Variants in GLIS3 observed in about 807,000 individuals in gnomAD.
The protein encoded by GLIS3 is GLIS family zinc finger 3.
In GLIS3, 53 loss-of-function variants were observed where a neutral mutation model predicts 78.6. That is an observed-to-expected ratio of 0.67 (90% confidence interval 0.54 to 0.85). GLIS3 has a LOEUF of 0.85. GLIS3 is among the 40% of genes least tolerant of loss of function. GLIS3 has a pLI of 0.00. For missense variants in GLIS3, 1,703 were observed against 1,231.1 expected, an observed-to-expected ratio of 1.38 and a Z score of -5.74; for synonymous variants, 684 against 509.9, an observed-to-expected ratio of 1.34 and a Z score of -4.60.
intron 4 of GLIS3, among the ~76,000 whole-genome samples, chr9:4,077,086 A>C (rs1407770470): frequency 7.0e-6 from 1 of 143,338 alleles, no homozygotes; most frequent in African/African-American, 2.9e-5. Flanking sequence ...ATGATGTCCA[A>C]TTTTCTTCTT....
chr9:4,057,392 T>C (rs1289330028), intron 4 of GLIS3, among the ~76,000 whole-genome samples: 2 of 152,188 alleles, frequency 1.3e-5, no homozygotes, highest in African/African-American at 4.8e-5. Flanking sequence ...CCATCCCTAA[T>C]AAAGATATCA....
At chr9:4,484,375 C>T in the GLIS3 span, among the ~76,000 whole-genome samples, 9 of 143,778 alleles carry the variant, frequency 6.3e-5, no homozygotes, top group East Asian at 1.9e-3. Flanking sequence ...GTAGCTGGGA[C>T]CACAGGTGTG....
At position 3,962,796 on chromosome 9, in the gene GLIS3, C is replaced by T. The variant is rs1308675619; in HGVS notation, c.1711-25607G>A. Among the ~76,000 whole-genome samples the T allele has an allele frequency of 2.6e-5, 4 of 152,016 alleles. No homozygotes were observed. The East Asian group carries it at 5.8e-4, about 22-fold the overall frequency. ...GGTCTTCACTCTAGCAAAAGGGATC[C>T]CCCACCCCGAAACCCTGCACTTTCA... On this transcript the variant is annotated intron_variant, in intron 4 of 10. Transcript: ENST00000381971.
rs1158679707 is a variant in GLIS3, at chr9:4,299,944, G to A, written c.-622C>T. ...AGGGGCAGTGGCCGCGGCACTCGCCGCCGGTGCCCGTGCGCGCCGCGCTCT... is the reference window on the plus strand; with the variant it reads ...AGGGGCAGTGGCCGCGGCACTCGCCACCGGTGCCCGTGCGCGCCGCGCTCT... On this transcript the variant is annotated 5_prime_UTR_variant, in exon 1 of 11. Transcript: ENST00000381971. 6.6e-6 allele frequency: 1 copy of A among 152,034 alleles called. No homozygotes were observed. The highest frequency in any genetic ancestry group is 1.9e-4 in the East Asian group (1 of 5,132). 9.4% of individuals were successfully genotyped at this position (152,034 alleles called of 1,614,324 possible). A position where few individuals can be genotyped will look rare whatever the true frequency, so the allele number is the denominator to read the frequency against.
chr9:3,942,239 C>A (rs914249192), intron 4 of GLIS3, among the ~76,000 whole-genome samples: 6 of 152,134 alleles, frequency 3.9e-5, no homozygotes, highest in African/African-American at 1.4e-4. Context: ...TTAAAATATA[C>A]ATTTGATTTG....
chr9:3,967,118 C>G (rs1184934875), intron 4 of GLIS3, among the ~76,000 whole-genome samples: 1 of 149,728 alleles, frequency 6.7e-6, no homozygotes, highest in Non-Finnish European at 1.5e-5. Flanking sequence ...GTAAAGAAGT[C>G]CAGTAAGGAT....
chr9:4,131,724 C>T (rs1465449498), intron 2 of GLIS3, among the ~76,000 whole-genome samples: 1 of 151,982 alleles, frequency 6.6e-6, no homozygotes, highest in Non-Finnish European at 1.5e-5. Flanking sequence ...TGTAAATTAC[C>T]CAGTCTCAAG....
chr9:4,258,820 C>T (rs1825230375), intron 2 of GLIS3, among the ~76,000 whole-genome samples: 1 of 152,188 alleles, frequency 6.6e-6, no homozygotes, highest in Non-Finnish European at 1.5e-5. Context: ...TGCACTACCC[C>T]AGCAGGACAT....
the GLIS3 span, among the ~76,000 whole-genome samples, chr9:4,356,155 C>T: frequency 3.9e-5 from 6 of 152,306 alleles, no homozygotes; most frequent in African/African-American, 1.4e-4. Flanking sequence ...TATAATTAGA[C>T]AAAGTTCCTT....
At chr9:4,077,554 G>A (rs939551725) in intron 4 of GLIS3, among the ~76,000 whole-genome samples, 2 of 152,242 alleles carry the variant, frequency 1.3e-5, no homozygotes, top group African/African-American at 4.8e-5. Flanking sequence ...CAACAGAACA[G>A]GAAACCCTGG....
chr9:4,057,041 A>ATCTCCCAC (rs1826211084), intron 4 of GLIS3, among the ~76,000 whole-genome samples: 1 of 151,718 alleles, frequency 6.6e-6, no homozygotes. Flanking sequence ...CTGGCCATGC[A>ATCTCCCAC]TCTCCCACCA....
In GLIS3 at chr9:3,825,527, A is replaced by G. The variant is rs1328741394; in HGVS notation, c.*2745T>C. 1 of 152,078 alleles carries G rather than the reference A, an allele frequency of 6.6e-6. No homozygotes were observed. Among genetic ancestry groups the G allele is most frequent in the South Asian group, 2.1e-4 (1 of 4,824 alleles). The allele number at this position is 152,078 out of a possible 1,614,324, so 9.4% of individuals were successfully genotyped here. ...GTTTCTGTTTTTAAGGGGAATGACA[A>G]TCTCTGTTTGGACATTTATGAAAAT... On this transcript the variant is annotated 3_prime_UTR_variant, in exon 11 of 11. Coordinates refer to ENST00000381971, the MANE Select transcript of GLIS3 (RefSeq NM_001042413.2).
the GLIS3 span, among the ~76,000 whole-genome samples, chr9:4,432,974 G>A: frequency 1.9e-4 from 29 of 152,162 alleles, no homozygotes; most frequent in African/African-American, 6.3e-4. Context: ...CTAACACAGG[G>A]TAAGCAATGG....
At chr9:4,300,421 C>T (rs979837058), upstream of GLIS3, among the ~76,000 whole-genome samples, 1 of 152,012 alleles carries the variant, frequency 6.6e-6, no homozygotes, top group African/African-American at 2.4e-5. Flanking sequence ...CAAAAAAATC[C>T]GGTAGTAATA....
At chr9:4,133,820 C>A (rs981417007) in intron 2 of GLIS3, among the ~76,000 whole-genome samples, 1 of 132,552 alleles carries the variant, frequency 7.5e-6, no homozygotes, top group Non-Finnish European at 1.7e-5. Flanking sequence ...CTGCCCAAGA[C>A]CTTCTACACA....
chr9:3,864,423 A>G (rs1358571471), intron 8 of GLIS3, among the ~76,000 whole-genome samples: 1 of 152,212 alleles, frequency 6.6e-6, no homozygotes, highest in Non-Finnish European at 1.5e-5. Flanking sequence ...CAAAAAATGG[A>G]CTATCCAGTA....
At chr9:4,360,116 A>G in the GLIS3 span, among the ~76,000 whole-genome samples, 4 of 152,010 alleles carry the variant, frequency 2.6e-5, no homozygotes, top group Admixed American at 6.6e-5. Context: ...TTTTTACTCA[A>G]TGAGGGCACA....
At chr9:4,068,788 C>A (rs1012557306) in intron 4 of GLIS3, among the ~76,000 whole-genome samples, 3 of 151,578 alleles carry the variant, frequency 2.0e-5, no homozygotes, top group African/African-American at 7.3e-5. Flanking sequence ...TCTTTCTTGA[C>A]TACAGGTTTT....
intron 2 of GLIS3, among the ~76,000 whole-genome samples, chr9:4,156,936 C>G (rs1835086704): frequency 6.6e-6 from 1 of 152,170 alleles, no homozygotes; most frequent in Non-Finnish European, 1.5e-5. Context: ...AGTTTCTGTC[C>G]TCACTCCATA....
Sources: allele counts gnomAD v4.1 joint callset (sites outside exome capture counted in the v4.1 genomes callset), GRCh38; gene constraint gnomAD v4.1.1; transcripts MANE v1.5; gene names NCBI Gene and HGNC (gene_info 2026-07-23, HGNC 2026-07-21).